ANKRD27: variants seen among roughly 807,000 people sequenced by gnomAD.
ANKRD27 encodes the protein ankyrin repeat domain 27.
Under a neutral mutation model 129.7 loss-of-function variants are expected in ANKRD27, and 112 were observed. The observed-to-expected ratio is 0.86, with a 90% CI of 0.74 to 1.01. The LOEUF (loss-of-function observed/expected upper bound fraction) is 1.01, where lower values mean the gene tolerates loss of function less well. Among genes scored for constraint, ANKRD27 ranks in the 50% least tolerant of loss-of-function variants. The pLI, the probability that ANKRD27 is intolerant of heterozygous loss-of-function variation, is 0.00. For missense variants in ANKRD27, 1,258 were observed against 1,300.5 expected (o/e 0.97, Z 0.50); for synonymous variants, 516 against 511.2 (o/e 1.01, Z -0.13).
At chr19:32,642,211 A>ATGAAACAGC in intron 9 of ANKRD27, 66 bp from the exon 10 acceptor site, 1 of 1,418,314 alleles carries the variant, frequency 7.1e-7, no homozygotes, top group Non-Finnish European at 9.4e-7. Context: ...CCTGGATCTA[A>ATGAAACAGC]GAACACATCT....
At chr19:32,656,176 A>AAC (rs1698011996) in intron 2 of ANKRD27, among the ~76,000 whole-genome samples, 1 of 152,160 alleles carries the variant, frequency 6.6e-6, no homozygotes, top group East Asian at 1.9e-4. Flanking sequence ...CAGGCTCACT[A>AAC]ACACCATGCT....
At chr19:32,617,146 C>T (rs945320506) in intron 21 of ANKRD27, among the ~76,000 whole-genome samples, 3 of 152,262 alleles carry the variant, frequency 2.0e-5, no homozygotes, top group East Asian at 1.9e-4. Context: ...TTAAACATAG[C>T]GCCCTCTGCA....
At chr19:32,628,611 G>A (rs1966933288) in intron 14 of ANKRD27, 111 bp downstream of exon 14, 3 of 1,374,502 alleles carry the variant, frequency 2.2e-6, no homozygotes, top group East Asian at 4.6e-5. Context: ...AGGCAGCTGG[G>A]GGGCAGGGAG....
At chr19:32,601,335 A>G (rs1040936283) in intron 26 of ANKRD27, among the ~76,000 whole-genome samples, 5 of 151,148 alleles carry the variant, frequency 3.3e-5, no homozygotes, top group East Asian at 2.0e-4. Flanking sequence ...GGTGGCTCAC[A>G]CCTGTAATCT....
intron 18 of ANKRD27, among the ~76,000 whole-genome samples, chr19:32,621,033 T>A (rs1166089734): frequency 6.6e-6 from 1 of 152,188 alleles, no homozygotes; most frequent in South Asian, 2.1e-4. Flanking sequence ...TATATACAGC[T>A]TTCTGTATGC....
At chr19:32,661,023 C>T (rs555542735) in intron 1 of ANKRD27, among the ~76,000 whole-genome samples, 158 of 151,994 alleles carry the variant, frequency 1.0e-3, no homozygotes, top group African/African-American at 3.6e-3. Flanking sequence ...CATAGCGAGA[C>T]CCCATCTCTA....
chr19:32,670,447 GC>G (rs1486617548), intron 1 of ANKRD27, among the ~76,000 whole-genome samples: 3 of 151,364 alleles, frequency 2.0e-5, no homozygotes, highest in East Asian at 3.9e-4. Context: ...GCCGAGGCGG[GC>G]GGATCACCTG....
In ANKRD27 at chr19:32,659,092, C is replaced by T. The variant is rs867510007; in HGVS notation, c.-30-47G>A. 6.7e-5 allele frequency: 61 copies of T among 912,728 alleles called. No homozygotes were observed. In the Middle Eastern group the frequency reaches 8.7e-4, roughly 13 times the overall value. 56.5% of individuals were successfully genotyped at this position (912,728 alleles called of 1,614,324 possible). On this transcript the variant is annotated intron_variant, in intron 1 of 28. Coordinates refer to ENST00000306065, the MANE Select transcript of ANKRD27 (RefSeq NM_032139.3). ...CAGTGAATAGCCATTTTCGAGTTTA[C>T]GTAACACATGAAAGTCTGCATCTGA... is the stretch of plus-strand genomic sequence containing the variant.
chr19:32,608,330 T>C (rs1274175978), intron 22 of ANKRD27: 2 of 251,872 alleles, frequency 7.9e-6, no homozygotes, highest in Non-Finnish European at 1.6e-5. Flanking sequence ...TTTTTTTTTT[T>C]CACCAGGGCT....
chr19:32,644,411 T>C lies in ANKRD27; in HGVS notation c.439A>G (p.Arg147Gly). The C allele has an allele frequency of 6.2e-7, 1 of 1,614,134 alleles. No individual in the cohort carries two copies. The highest frequency in any genetic ancestry group is 1.1e-5 in the South Asian group (1 of 91,078). Residue 147 changes from arginine (R) to glycine (G), a missense_variant, in exon 5 of 29, where the codon AGA (arginine) becomes GGA (glycine). By Grantham distance (125) the Arg-to-Gly change is moderately radical. Transcript: ENST00000306065. ...TTCCTGTCAAATCGCTCGGAGTGTCTTCCCAAGAACTCTCTCACATCTTCA... is the reference window on the plus strand; with the variant it reads ...TTCCTGTCAAATCGCTCGGAGTGTCCTCCCAAGAACTCTCTCACATCTTCA... ...TIEDVREFLG[R>G]HSERFDRNIA... is the part of the protein sequence containing the mutation.
At chr19:32,605,351 G>A (rs776765829) in intron 24 of ANKRD27, among the ~76,000 whole-genome samples, 1 of 152,214 alleles carries the variant, frequency 6.6e-6, no homozygotes, top group Non-Finnish European at 1.5e-5. Context: ...CTGGGCCACA[G>A]AGCAAGACCT....
chr19:32,648,012 T>C (rs1009456998), intron 3 of ANKRD27, among the ~76,000 whole-genome samples: 1 of 152,232 alleles, frequency 6.6e-6, no homozygotes, highest in South Asian at 2.1e-4. Context: ...ATGCCTGTAA[T>C]CCAAGCACTT....
chr19:32,626,962 G>C, intron 15 of ANKRD27, 135 bp from the exon 16 acceptor site: 1 of 596,438 alleles, frequency 1.7e-6, no homozygotes, highest in Non-Finnish European at 2.9e-6. Context: ...TTCTGCTAGA[G>C]AGGAACTACA....
chr19:32,608,751 A>G (rs1971789545), intron 22 of ANKRD27, among the ~76,000 whole-genome samples: 1 of 152,136 alleles, frequency 6.6e-6, no homozygotes, highest in Admixed American at 6.5e-5. Flanking sequence ...CAGGAGTTCT[A>G]GACCATCCTG....
At chr19:32,612,001 A>T (rs1024430348) in intron 22 of ANKRD27, among the ~76,000 whole-genome samples, 1 of 152,198 alleles carries the variant, frequency 6.6e-6, no homozygotes, top group Admixed American at 6.5e-5. Context: ...GGCCTCCCAA[A>T]GTGTTGGGAT....
At position 32,658,998 on chromosome 19, in the gene ANKRD27, T is replaced by C. The variant is rs79799392; in HGVS notation, c.18A>G (p.Glu6=). MALYD[E]DLLKNPFYLA... is the part of the protein sequence containing the mutation. ...GATAGAAAGGATTTTTCAGGAGGTC[T>C]TCATCATACAGAGCCATATGGACTT... The change falls in exon 2 of 29, where the codon GAA becomes GAG. Residue 6 remains glutamate (E), a synonymous_variant. Coordinates refer to ENST00000306065, the MANE Select transcript of ANKRD27 (RefSeq NM_032139.3). The C allele has an allele frequency of 4.2e-4, 673 of 1,613,932 alleles. 4 individuals carry two copies. The African/African-American group carries it at 7.5e-3, about 18-fold the overall frequency.
chr19:32,650,754 A>ATTT lies in ANKRD27; in HGVS notation c.103-965_103-963dup, dbSNP rs33927296. On this transcript the variant is annotated intron_variant, in intron 2 of 28. Transcript: ENST00000306065. ...TATTCTTTTCTTTACGCTTTTATTT[A>ATTT]TTTTTTTTTTTTGGAGACAGTGTCT... 2.5e-4 allele frequency among the ~76,000 whole-genome samples: 35 copies of ATTT among 140,214 alleles called. 1 individual carries two copies. Among genetic ancestry groups the ATTT allele is most frequent in the Non-Finnish European group, 3.5e-4 (23 of 66,404 alleles). 92.0% of individuals were successfully genotyped at this position (140,214 alleles called of 152,430 possible). A position where few individuals can be genotyped will look rare whatever the true frequency, so the allele number is the denominator to read the frequency against.
intron 20 of ANKRD27, among the ~76,000 whole-genome samples, chr19:32,617,837 C>T (rs1392137658): frequency 1.3e-5 from 2 of 151,600 alleles, no homozygotes; most frequent in African/African-American, 4.9e-5. Context: ...TCACCGCAAC[C>T]TCCGCCTCCC....
intron 1 of ANKRD27, among the ~76,000 whole-genome samples, chr19:32,669,953 G>A (rs1379537385): frequency 1.3e-5 from 2 of 149,536 alleles, no homozygotes; most frequent in East Asian, 2.0e-4. Context: ...CCGAGATGGC[G>A]CCACTGCACT....
Sources: gnomAD v4.1 joint callset for allele counts (sites outside exome capture counted in the v4.1 genomes callset) on GRCh38, gnomAD v4.1.1 for gene constraint, MANE v1.5 for transcripts, NCBI Gene and HGNC (gene_info 2026-07-23, HGNC 2026-07-21) for gene names.